Variants in ARID1B observed in about 807,000 individuals in gnomAD.
The protein encoded by ARID1B is AT-rich interactive domain-containing protein 1B.
A neutral mutation model predicts 212.3 loss-of-function variants in ARID1B; 30 were observed. The observed-to-expected ratio is 0.14, with a 90% CI of 0.11 to 0.19. The LOEUF (loss-of-function observed/expected upper bound fraction) is 0.19, where lower values mean the gene tolerates loss of function less well. Ranked by LOEUF, ARID1B falls within the 10% of genes least tolerant of loss-of-function variation. The pLI, the probability that ARID1B is intolerant of heterozygous loss-of-function variation, is 1.00. For synonymous variants in ARID1B, 1,402 were observed against 1,301.7 expected, an observed-to-expected ratio of 1.08 and a Z score of -1.66; for missense variants, 2,891 against 3,204.0, an observed-to-expected ratio of 0.90 and a Z score of 2.36.
At chr6:157,004,915 T>G (rs57502270) in intron 4 of ARID1B, among the ~76,000 whole-genome samples, 1,092 of 81,366 alleles carry the variant, frequency 0.013, 29 homozygotes, top group East Asian at 0.05. Context: ...TTTTTTTTTT[T>G]TTTTTTTTTT....
At chr6:156,950,739 A>G (rs545343606) in intron 4 of ARID1B, among the ~76,000 whole-genome samples, 2 of 152,192 alleles carry the variant, frequency 1.3e-5, no homozygotes, top group Non-Finnish European at 2.9e-5. Flanking sequence ...TATAGAGGAA[A>G]TGACTATGAC....
At position 157,210,644 on chromosome 6, in the gene ARID1B, G is replaced by T. The variant is rs1476924563; in HGVS notation, c.*2753G>T. On this transcript the variant is annotated 3_prime_UTR_variant, in exon 20 of 20. Transcript: ENST00000636930. ...ATTGCTTTGTCCTAAAAATTAGTCGGTTTTTTTTTTTCTATGAGGCTTTTC... is the reference window on the plus strand; with the variant it reads ...ATTGCTTTGTCCTAAAAATTAGTCGTTTTTTTTTTTTCTATGAGGCTTTTC... 33 of 202,084 alleles carry T rather than the reference G, an allele frequency of 1.6e-4. No individual in the cohort carries two copies. The highest frequency in any genetic ancestry group is 1.1e-3 in the East Asian group (15 of 13,340). The allele number at this position is 202,084 out of a possible 1,614,324, so 12.5% of individuals were successfully genotyped here.
intron 6 of ARID1B, among the ~76,000 whole-genome samples, chr6:157,123,926 G>A (rs1007934900): frequency 7.2e-5 from 11 of 152,228 alleles, no homozygotes; most frequent in Non-Finnish European, 7.3e-5. Context: ...GTGAAGACAC[G>A]ATTTGGCCCA....
chr6:156,824,651 G>C (rs1247989768), intron 1 of ARID1B, among the ~76,000 whole-genome samples: 1 of 152,042 alleles, frequency 6.6e-6, no homozygotes, highest in Non-Finnish European at 1.5e-5. Flanking sequence ...TGTAATCCCA[G>C]CTACTTGGGA....
chr6:157,131,271 C>T (rs1048027124), intron 6 of ARID1B, among the ~76,000 whole-genome samples: 4 of 152,106 alleles, frequency 2.6e-5, no homozygotes, highest in African/African-American at 9.7e-5. Context: ...TGATTCTTGC[C>T]CTCATGGAGC....
At chr6:157,015,351 T>G (rs1229043333) in intron 4 of ARID1B, among the ~76,000 whole-genome samples, 1 of 152,182 alleles carries the variant, frequency 6.6e-6, no homozygotes, top group African/African-American at 2.4e-5. Context: ...TTAATTTAGT[T>G]TTTGACATGT....
At chr6:157,114,184 GAAAC>G (rs1019170098) in intron 6 of ARID1B, among the ~76,000 whole-genome samples, 2 of 152,206 alleles carry the variant, frequency 1.3e-5, no homozygotes, top group African/African-American at 4.8e-5. Context: ...AGTGCTGAAA[GAAAC>G]AGGCCAAGAA....
chr6:157,175,068 T>C (rs1583453267), intron 11 of ARID1B, 63 bp downstream of exon 11: 1 of 1,236,252 alleles, frequency 8.1e-7, no homozygotes, highest in Non-Finnish European at 1.0e-6. Context: ...TTTTTGATAA[T>C]TAATTAATTC....
intron 4 of ARID1B, among the ~76,000 whole-genome samples, chr6:157,006,877 A>G (rs1779275416): frequency 6.6e-6 from 1 of 152,252 alleles, no homozygotes; most frequent in African/African-American, 2.4e-5. Flanking sequence ...AAGTAATCCT[A>G]AATTACTCTT....
At chr6:157,112,559 T>C (rs1787003135) in intron 6 of ARID1B, among the ~76,000 whole-genome samples, 1 of 152,192 alleles carries the variant, frequency 6.6e-6, no homozygotes, top group African/African-American at 2.4e-5. Flanking sequence ...AAAGTTCCCT[T>C]ATTTGAAAGT....
chr6:157,010,754 T>G (rs552715248), intron 4 of ARID1B, among the ~76,000 whole-genome samples: 32 of 152,292 alleles, frequency 2.1e-4, no homozygotes, highest in Admixed American at 1.8e-3. Flanking sequence ...TTTGCATGTG[T>G]GAAACTGAAA....
intron 4 of ARID1B, among the ~76,000 whole-genome samples, chr6:157,062,797 G>A (rs1361578346): frequency 2.0e-5 from 3 of 150,930 alleles, no homozygotes; most frequent in Non-Finnish European, 2.9e-5. Flanking sequence ...CCTGCCTCCT[G>A]GGTTCAAGCT....
intron 4 of ARID1B, among the ~76,000 whole-genome samples, chr6:157,030,026 G>C (rs1413935163): frequency 1.3e-5 from 2 of 152,178 alleles, no homozygotes; most frequent in Non-Finnish European, 2.9e-5. Context: ...GCATCAGTTA[G>C]TTTTTGCAGT....
intron 1 of ARID1B, among the ~76,000 whole-genome samples, chr6:156,781,975 CTTTTTTTTTTTTTT>C (rs57443841): frequency 1.3e-4 from 5 of 39,206 alleles, no homozygotes; most frequent in Non-Finnish European, 2.0e-4. Context: ...TGGGAATAGG[CTTTTTTTTTTTTTT>C]TTTTTTTTTT....
At chr6:157,139,517 G>A (rs1562650957) in intron 7 of ARID1B, among the ~76,000 whole-genome samples, 1 of 152,136 alleles carries the variant, frequency 6.6e-6, no homozygotes, top group Non-Finnish European at 1.5e-5. Flanking sequence ...TGCAGGGGGT[G>A]CCTTTCCCCT....
intron 4 of ARID1B, among the ~76,000 whole-genome samples, chr6:157,028,938 C>T (rs1180107953): frequency 1.3e-5 from 2 of 152,076 alleles, no homozygotes; most frequent in African/African-American, 2.4e-5. Flanking sequence ...GGAAGGATTG[C>T]GAACTGTATG....
At chr6:156,988,414 A>G (rs572931842) in intron 4 of ARID1B, among the ~76,000 whole-genome samples, 1 of 152,136 alleles carries the variant, frequency 6.6e-6, no homozygotes, top group Admixed American at 6.5e-5. Flanking sequence ...TGCTTATCTC[A>G]GGGGATTCGC....
intron 5 of ARID1B, among the ~76,000 whole-genome samples, chr6:157,092,754 G>A (rs17088106): frequency 0.067 from 10,169 of 152,040 alleles, 828 homozygotes; most frequent in East Asian, 0.37. Flanking sequence ...GTCAATTTCC[G>A]TTCCCTTTCT....
At chr6:156,836,186 TA>T (rs1783499044) in intron 2 of ARID1B, among the ~76,000 whole-genome samples, 1 of 152,132 alleles carries the variant, frequency 6.6e-6, no homozygotes, top group Non-Finnish European at 1.5e-5. Flanking sequence ...AATGGAAAGT[TA>T]AAGTGATTAA....
Sources: allele counts gnomAD v4.1 joint callset (sites outside exome capture counted in the v4.1 genomes callset), GRCh38; gene constraint gnomAD v4.1.1; transcripts MANE v1.5; gene names NCBI Gene and HGNC (gene_info 2026-07-23, HGNC 2026-07-21).